The following SFT2D2 variants were observed in gnomAD, a reference collection of about 807,000 sequenced individuals.
The protein encoded by SFT2D2 is vesicle transport protein SFT2B.
A neutral mutation model predicts 27.4 loss-of-function variants in SFT2D2; 21 were observed. The observed-to-expected ratio is 0.77, with a 90% CI of 0.54 to 1.10. The LOEUF is 1.10. SFT2D2 is among the 50% of genes least tolerant of loss of function. The probability of loss-of-function intolerance (pLI) is 0.00; values close to 1 mark genes in which losing one functional copy is unlikely to be tolerated. For missense variants in SFT2D2, 187 were observed against 194.2 expected (o/e 0.96, Z 0.22); for synonymous variants, 72 against 71.7 (o/e 1.00, Z -0.02).
At position 168,250,682 on chromosome 1, in the gene SFT2D2, T is replaced by A. The variant is rs1647932397; in HGVS notation, c.*8142T>A. On this transcript the variant is annotated 3_prime_UTR_variant, in exon 8 of 8. Transcript: ENST00000271375. The stretch of plus-strand genomic sequence containing the variant: ...CTCTCTGAGGCTGCTTGTTGGGTAT[T>A]GGGCGTGCTGTGTACTAACTCACTC... 1 of 152,414 alleles carries A rather than the reference T, an allele frequency of 6.6e-6. No homozygotes were observed. 9.4% of individuals were successfully genotyped at this position (152,414 alleles called of 1,614,324 possible). A position where few individuals can be genotyped will look rare whatever the true frequency, so the allele number is the denominator to read the frequency against.
Position 168,242,405 on chromosome 1 carries a change from T to A in SFT2D2, c.444-96T>A, listed in dbSNP as rs1647674228. ...TGAAGGTCTGATCTTTCAGTCTAGGTGCTTTCTACTCTGCAGCTTCCACTC... is the reference window on the plus strand; with the variant it reads ...TGAAGGTCTGATCTTTCAGTCTAGGAGCTTTCTACTCTGCAGCTTCCACTC... On this transcript the variant is annotated intron_variant, in intron 7 of 7. Coordinates refer to ENST00000271375, the MANE Select transcript of SFT2D2 (RefSeq NM_199344.3). 26 of 1,304,202 alleles carry A rather than the reference T, an allele frequency of 2.0e-5. No homozygotes were observed. The South Asian group carries it at 3.0e-4, about 15-fold the overall frequency. The allele number at this position is 1,304,202 out of a possible 1,614,324, so 80.8% of individuals were successfully genotyped here.
intron 7 of SFT2D2, among the ~76,000 whole-genome samples, chr1:168,240,306 T>G (rs192804010): frequency 7.1e-4 from 108 of 152,102 alleles, no homozygotes; most frequent in Non-Finnish European, 1.3e-3. Flanking sequence ...TGAGGAGTGA[T>G]TGATTGGATG....
At chr1:168,229,740 G>C (rs565374074) in intron 1 of SFT2D2, 1 of 148,844 alleles carries the variant, frequency 6.7e-6, no homozygotes, top group East Asian at 1.9e-4. Flanking sequence ...TGCATGACTA[G>C]GAAGAGTGGT....
chr1:168,246,689 G>A lies in SFT2D2; in HGVS notation c.*4149G>A. The A allele has an allele frequency of 9.0e-7, 1 of 1,105,566 alleles. No homozygotes were observed. Among genetic ancestry groups the A allele is most frequent in the Non-Finnish European group, 1.4e-6 (1 of 739,898 alleles). The allele number at this position is 1,105,566 out of a possible 1,614,324, so 68.5% of individuals were successfully genotyped here. A position where few individuals can be genotyped will look rare whatever the true frequency, so the allele number is the denominator to read the frequency against. ...TCATGATCATGTAGAGCAACATTCA[G>A]TCTACGATGGTATGATTCCATTTCG... On this transcript the variant is annotated 3_prime_UTR_variant, in exon 8 of 8. Coordinates refer to ENST00000271375, the MANE Select transcript of SFT2D2 (RefSeq NM_199344.3).
rs1647769374 is a variant in SFT2D2 at position 168,244,963 on chromosome 1, T to G, written c.*2423T>G. The G allele has an allele frequency of 1.3e-5, 2 of 152,222 alleles. No individual in the cohort carries two copies. The highest frequency in any genetic ancestry group is 1.3e-4 in the Admixed American group (2 of 15,274). 9.4% of individuals were successfully genotyped at this position (152,222 alleles called of 1,614,324 possible). The stretch of plus-strand genomic sequence containing the variant: ...TGTCGAAGGGCATCTTTAAAATATC[T>G]ACTGCTAACATCCTATGTAATGATG... On this transcript the variant is annotated 3_prime_UTR_variant, in exon 8 of 8. Coordinates refer to ENST00000271375, the MANE Select transcript of SFT2D2 (RefSeq NM_199344.3).
At chr1:168,238,480 A>G (rs1572454311) in intron 6 of SFT2D2, among the ~76,000 whole-genome samples, 1 of 151,892 alleles carries the variant, frequency 6.6e-6, no homozygotes, top group East Asian at 1.9e-4. Flanking sequence ...GTGTAGCAAG[A>G]CCGGGTCTCT....
chr1:168,238,777 TAG>T (rs1345586741), intron 6 of SFT2D2, among the ~76,000 whole-genome samples: 2 of 152,212 alleles, frequency 1.3e-5, no homozygotes, highest in Admixed American at 6.5e-5. Context: ...TTTTTCAGAA[TAG>T]AGTTTCTGTG....
chr1:168,244,916 A>G lies in SFT2D2; in HGVS notation c.*2376A>G, dbSNP rs964512792. 1 of 152,120 alleles carries G rather than the reference A, an allele frequency of 6.6e-6. No individual in the cohort carries two copies. The highest frequency in any genetic ancestry group is 2.4e-5 in the African/African-American group (1 of 41,402). 9.4% of individuals were successfully genotyped at this position (152,120 alleles called of 1,614,324 possible). ...AAAAAATAATCTCAGCAAACTAGGGATACAAGAGAATTTCCTCAACCTGTC... is the reference window on the plus strand; with the variant it reads ...AAAAAATAATCTCAGCAAACTAGGGGTACAAGAGAATTTCCTCAACCTGTC... On this transcript the variant is annotated 3_prime_UTR_variant, in exon 8 of 8. Transcript: ENST00000271375.
intron 1 of SFT2D2, among the ~76,000 whole-genome samples, chr1:168,228,938 G>A (rs939485794): frequency 1.3e-5 from 2 of 152,184 alleles, no homozygotes; most frequent in African/African-American, 4.8e-5. Context: ...AAAAAGAAGT[G>A]TTTTGCTTTC....
chr1:168,241,820 C>A (rs1049786035), intron 7 of SFT2D2, among the ~76,000 whole-genome samples: 1 of 152,144 alleles, frequency 6.6e-6, no homozygotes, highest in African/African-American at 2.4e-5. Context: ...GAAATGCATC[C>A]ATTCACCTCT....
In SFT2D2 at chr1:168,250,213, TC is replaced by T; in HGVS notation, c.*7675del. On this transcript the variant is annotated 3_prime_UTR_variant, in exon 8 of 8. Coordinates refer to ENST00000271375, the MANE Select transcript of SFT2D2 (RefSeq NM_199344.3). ...TGCATGACCCTGCCTCCCAGGGTCT[TC>T]CTGCGTTTTTCCTTAAGTTGCCTTA... 6.6e-6 allele frequency: 1 copy of T among 152,350 alleles called. No homozygotes were observed. Among genetic ancestry groups the T allele is most frequent in the Admixed American group, 6.5e-5 (1 of 15,302 alleles). 9.4% of individuals were successfully genotyped at this position (152,350 alleles called of 1,614,324 possible). A position where few individuals can be genotyped will look rare whatever the true frequency, so the allele number is the denominator to read the frequency against.
chr1:168,230,447 A>C (rs1647236238), intron 1 of SFT2D2, among the ~76,000 whole-genome samples: 1 of 152,136 alleles, frequency 6.6e-6, no homozygotes, highest in Non-Finnish European at 1.5e-5. Flanking sequence ...AGGTGGACAG[A>C]CTGGTAGGGT....
At chr1:168,231,651 A>G (rs755184375) in intron 2 of SFT2D2, 51 bp downstream of exon 2, 2 of 1,569,370 alleles carry the variant, frequency 1.3e-6, no homozygotes, top group Non-Finnish European at 1.8e-6. Context: ...TCTTTGCTAT[A>G]TATTCCCCCT....
At chr1:168,231,404 G>A (rs1246860542) in intron 1 of SFT2D2, 110 bp from the exon 2 acceptor site, 1 of 856,624 alleles carries the variant, frequency 1.2e-6, no homozygotes, top group East Asian at 2.5e-5. Flanking sequence ...GTAGGATTCT[G>A]TGCTCCTTGC....
rs11387591 is a variant in SFT2D2, at chr1:168,241,205, C to CTTTTTTTTT, written c.444-1284_444-1276dup. On this transcript the variant is annotated intron_variant, in intron 7 of 7. Coordinates refer to ENST00000271375, the MANE Select transcript of SFT2D2 (RefSeq NM_199344.3). ...CAGAGCTAGATCCCACCCTTCTATT[C>CTTTTTTTTT]TTTTTTTTTTTTTTTTTTTTGAGAT... Among the ~76,000 whole-genome samples the CTTTTTTTTT allele has an allele frequency of 1.3e-3, 133 of 100,124 alleles. 8 individuals are homozygous for CTTTTTTTTT. Among genetic ancestry groups the CTTTTTTTTT allele is most frequent in the Non-Finnish European group, 1.7e-3 (88 of 53,014 alleles). 65.7% of individuals were successfully genotyped at this position (100,124 alleles called of 152,430 possible).
rs1647978172 is a variant in SFT2D2, at chr1:168,252,822, ACTGAATT to A, written c.*10283_*10289del. ...AATTTTGAATGCTACTGATTGTGTAACTGAATTTTTGTATCCAAAAATACATTCTTGA... is the reference window on the plus strand; with the variant it reads ...AATTTTGAATGCTACTGATTGTGTAATTTGTATCCAAAAATACATTCTTGA... On this transcript the variant is annotated 3_prime_UTR_variant, in exon 8 of 8. Transcript: ENST00000271375. 1.3e-5 allele frequency: 2 copies of A among 152,228 alleles called. No individual in the cohort carries two copies. Among genetic ancestry groups the A allele is most frequent in the Non-Finnish European group, 2.9e-5 (2 of 68,040 alleles). 9.4% of individuals were successfully genotyped at this position (152,228 alleles called of 1,614,324 possible). A position where few individuals can be genotyped will look rare whatever the true frequency, so the allele number is the denominator to read the frequency against.
chr1:168,229,232 T>G (rs2102327718), intron 1 of SFT2D2, among the ~76,000 whole-genome samples: 1 of 152,336 alleles, frequency 6.6e-6, no homozygotes. Context: ...GGAATCTCAC[T>G]GAGACTGAGC....
chr1:168,231,687 C>T lies in SFT2D2; in HGVS notation c.150+87C>T, dbSNP rs1647317780. On this transcript the variant is annotated intron_variant, in intron 2 of 7. Coordinates refer to ENST00000271375, the MANE Select transcript of SFT2D2 (RefSeq NM_199344.3). ...TTTGTCCACCTCCTTTCCCCTTTTG[C>T]CCTTCACTAAAATGCATGGATGAGA... The T allele has an allele frequency of 2.2e-5, 32 of 1,487,484 alleles. No individual in the cohort carries two copies. In the South Asian group the frequency reaches 3.6e-4, roughly 17 times the overall value. 92.1% of individuals were successfully genotyped at this position (1,487,484 alleles called of 1,614,324 possible). A position where few individuals can be genotyped will look rare whatever the true frequency, so the allele number is the denominator to read the frequency against.
Position 168,244,686 on chromosome 1 carries a change from G to A in SFT2D2, c.*2146G>A, listed in dbSNP as rs1300574058. On this transcript the variant is annotated 3_prime_UTR_variant, in exon 8 of 8. Transcript: ENST00000271375. ...ACATCCCAGGTGCCTCTTGGAGACA[G>A]ATCTCAGAAGGGCTGTGGTGTCAGA... The A allele has an allele frequency of 1.3e-5, 2 of 152,240 alleles. No individual in the cohort carries two copies. The highest frequency in any genetic ancestry group is 2.4e-5 in the African/African-American group (1 of 41,414). The allele number at this position is 152,240 out of a possible 1,614,324, so 9.4% of individuals were successfully genotyped here.
Sources: gnomAD v4.1 joint callset for allele counts (sites outside exome capture counted in the v4.1 genomes callset) on GRCh38, gnomAD v4.1.1 for gene constraint, MANE v1.5 for transcripts, NCBI Gene and HGNC (gene_info 2026-07-23, HGNC 2026-07-21) for gene names.